The following OR56A3 variants were observed in gnomAD, a reference collection of about 807,000 sequenced individuals.
OR56A3 encodes olfactory receptor 56A3.
A neutral mutation model predicts 17.5 loss-of-function variants in OR56A3; 23 were observed. That is an observed-to-expected ratio of 1.32 (90% CI 0.95 to 1.87). The LOEUF is 1.87. OR56A3 is among the 40% of genes most tolerant of loss of function. The pLI, the probability that OR56A3 is intolerant of heterozygous loss-of-function variation, is 0.00. For synonymous variants in OR56A3, 175 were observed against 150.6 expected (o/e 1.16, Z -1.19); for missense variants, 366 against 380.1 (o/e 0.96, Z 0.31).
chr11:6,017,697 A>G, the OR56A3 span, among the ~76,000 whole-genome samples: 1 of 152,200 alleles, frequency 6.6e-6, no homozygotes, highest in Non-Finnish European at 1.5e-5. Flanking sequence ...ACAAAATGGC[A>G]GGAATAAGTT....
chr11:5,986,527 G>T, the OR56A3 span: 11 of 1,613,918 alleles, frequency 6.8e-6, no homozygotes, highest in Middle Eastern at 1.6e-4. Context: ...CAGAGCCATG[G>T]CCACAAGTAC....
chr11:5,981,124 C>G, the OR56A3 span, among the ~76,000 whole-genome samples: 1 of 152,152 alleles, frequency 6.6e-6, no homozygotes, highest in African/African-American at 2.4e-5. Context: ...CTTGGAGAAT[C>G]TGGTGAATAT....
At chr11:5,967,401 C>A in the OR56A3 span, among the ~76,000 whole-genome samples, 5 of 152,120 alleles carry the variant, frequency 3.3e-5, no homozygotes, top group Admixed American at 6.6e-5. Flanking sequence ...CAGGATCCAA[C>A]GAGTAGATAT....
the OR56A3 span, chr11:5,968,055 G>A: frequency 1.9e-6 from 3 of 1,608,472 alleles, no homozygotes; most frequent in African/African-American, 2.7e-5. Flanking sequence ...AAAGATGGCA[G>A]CCCTAGCGAC....
the OR56A3 span, among the ~76,000 whole-genome samples, chr11:5,991,191 T>C: frequency 6.6e-6 from 1 of 152,176 alleles, no homozygotes; most frequent in East Asian, 1.9e-4. Context: ...TGAGTAAAGG[T>C]AGCAAATCAG....
chr11:6,014,869 G>A, the OR56A3 span, among the ~76,000 whole-genome samples: 2 of 151,738 alleles, frequency 1.3e-5, no homozygotes, highest in African/African-American at 4.8e-5. Context: ...TTGTTGGATT[G>A]TGCCCCTGTC....
At chr11:5,968,684 T>C in the OR56A3 span, among the ~76,000 whole-genome samples, 1 of 152,294 alleles carries the variant, frequency 6.6e-6, no homozygotes, top group Admixed American at 6.5e-5. Context: ...GTGAAAGGTT[T>C]AGTAAATTAT....
At chr11:5,951,557 C>A (rs540863675), downstream of OR56A3, among the ~76,000 whole-genome samples, 1 of 152,150 alleles carries the variant, frequency 6.6e-6, no homozygotes, top group African/African-American at 2.4e-5. Context: ...GCTGGTGAGA[C>A]CTTGCATTTT....
chr11:5,997,583 T>C, the OR56A3 span, among the ~76,000 whole-genome samples: 1 of 152,056 alleles, frequency 6.6e-6, no homozygotes, highest in Non-Finnish European at 1.5e-5. Flanking sequence ...ACACAGAAGA[T>C]AAAATCCAAT....
At chr11:5,983,740 C>T in the OR56A3 span, among the ~76,000 whole-genome samples, 2 of 152,226 alleles carry the variant, frequency 1.3e-5, no homozygotes, top group Non-Finnish European at 2.9e-5. Flanking sequence ...AGAAGGGTCA[C>T]TAATACAATT....
the OR56A3 span, among the ~76,000 whole-genome samples, chr11:5,978,748 G>C: frequency 6.6e-6 from 1 of 152,026 alleles, no homozygotes; most frequent in African/African-American, 2.4e-5. Context: ...ACTTCCAGTA[G>C]TATGCTGAAT....
rs1847903179 is a variant in OR56A3 at position 5,950,813 on chromosome 11, A to G, written c.*2519A>G. Reference sequence around the variant, plus strand: ...TTTTAATTCAGACTACCCAGATTCCAAGCATTCAATAGCCACGTGAGGCTA... The same window carrying G: ...TTTTAATTCAGACTACCCAGATTCCGAGCATTCAATAGCCACGTGAGGCTA... On this transcript the variant is annotated 3_prime_UTR_variant, in exon 3 of 3. Coordinates refer to ENST00000641160, the MANE Select transcript of OR56A3 (RefSeq NM_001003443.3). 1 of 152,162 alleles carries G rather than the reference A, an allele frequency of 6.6e-6. No homozygotes were observed. Among genetic ancestry groups the G allele is most frequent in the Non-Finnish European group, 1.5e-5 (1 of 68,002 alleles). The allele number at this position is 152,162 out of a possible 1,614,324, so 9.4% of individuals were successfully genotyped here.
At position 5,950,450 on chromosome 11, in the gene OR56A3, G is replaced by C. The variant is rs980277888; in HGVS notation, c.*2156G>C. The C allele has an allele frequency of 6.6e-6, 1 of 152,046 alleles. No individual in the cohort carries two copies. The highest frequency in any genetic ancestry group is 2.4e-5 in the African/African-American group (1 of 41,414). 9.4% of individuals were successfully genotyped at this position (152,046 alleles called of 1,614,324 possible). On this transcript the variant is annotated 3_prime_UTR_variant, in exon 3 of 3. Transcript: ENST00000641160. ...TAATTTTTAGACATTTATAAACAAT[G>C]TCAAAACAATATCGGCATATATTTA...
At chr11:5,956,754 C>T in the OR56A3 span, among the ~76,000 whole-genome samples, 36 of 152,152 alleles carry the variant, frequency 2.4e-4, no homozygotes, top group African/African-American at 8.2e-4. Flanking sequence ...TTCCTGTCCT[C>T]GTGATCTCCA....
At chr11:5,954,481 T>C (rs1460718387), downstream of OR56A3, among the ~76,000 whole-genome samples, 1 of 152,190 alleles carries the variant, frequency 6.6e-6, no homozygotes, top group African/African-American at 2.4e-5. Flanking sequence ...AATTATACTT[T>C]CAAAGTCTGC....
chr11:6,007,156 A>T, the OR56A3 span, among the ~76,000 whole-genome samples: 1 of 152,344 alleles, frequency 6.6e-6, no homozygotes. Flanking sequence ...GGCACTTGGG[A>T]AGTCTAATTA....
chr11:6,002,391 T>C, the OR56A3 span: 1 of 1,614,148 alleles, frequency 6.2e-7, no homozygotes, highest in Non-Finnish European at 8.5e-7. Context: ...CACAAACTGG[T>C]AGAGCTGATT....
At chr11:5,943,796 A>G (rs573687424) in intron 1 of OR56A3, among the ~76,000 whole-genome samples, 3 of 152,346 alleles carry the variant, frequency 2.0e-5, no homozygotes, top group African/African-American at 7.2e-5. Context: ...TTTAACTGTA[A>G]AAATTTTGCA....
chr11:6,014,315 T>A, the OR56A3 span, among the ~76,000 whole-genome samples: 1 of 152,198 alleles, frequency 6.6e-6, no homozygotes, highest in South Asian at 2.1e-4. Context: ...TAGGGCCTGG[T>A]GGGAGACGAT....
Sources: gnomAD v4.1 joint callset for allele counts (sites outside exome capture counted in the v4.1 genomes callset) on GRCh38, gnomAD v4.1.1 for gene constraint, MANE v1.5 for transcripts, NCBI Gene and HGNC (gene_info 2026-07-23, HGNC 2026-07-21) for gene names.